Variants in CACNA1D observed in about 807,000 individuals in gnomAD.
CACNA1D encodes calcium voltage-gated channel subunit alpha1 D, also known as voltage-dependent L-type calcium channel subunit alpha-1D.
In CACNA1D, 55 loss-of-function variants were observed where a neutral mutation model predicts 257.1. The observed-to-expected ratio is 0.21, with a 90% CI of 0.17 to 0.27. The LOEUF is 0.27. Ranked by LOEUF, CACNA1D falls within the 10% of genes least tolerant of loss-of-function variation. CACNA1D has a pLI of 1.00. For synonymous variants in CACNA1D, 980 were observed against 1,014.9 expected (o/e 0.97, Z 0.65); for missense variants, 1,876 against 2,784.0 (o/e 0.67, Z 7.34).
chr3:53,650,889 T>C lies in CACNA1D; in HGVS notation c.594T>C (p.Asn198=), dbSNP rs752689987. The C allele has an allele frequency of 1.2e-6, 2 of 1,612,772 alleles. No homozygotes were observed. Among genetic ancestry groups the C allele is most frequent in the South Asian group, 1.1e-5 (1 of 91,054 alleles). The change falls in exon 4 of 48, where the codon AAT becomes AAC. Residue 198 remains asparagine, a synonymous_variant. Transcript: ENST00000350061. ...HPNAYVRNGW[N]LLDFVIVIVG... ...ATGCTTATGTTAGGAATGGATGGAA[T>C]TTACTGGATTTTGTTATAGTAATAG...
chr3:53,510,017 G>A (rs998206240), intron 3 of CACNA1D, among the ~76,000 whole-genome samples: 1 of 152,192 alleles, frequency 6.6e-6, no homozygotes, highest in Non-Finnish European at 1.5e-5. Context: ...GCCTTGTTGT[G>A]AAGGAAAACC....
intron 3 of CACNA1D, among the ~76,000 whole-genome samples, chr3:53,546,251 C>G (rs2092410086): frequency 6.6e-6 from 1 of 152,114 alleles, no homozygotes; most frequent in Admixed American, 6.5e-5. Flanking sequence ...GCAGCTTTGT[C>G]CTAGTGCTGG....
At chr3:53,545,681 C>T (rs1171408530) in intron 3 of CACNA1D, among the ~76,000 whole-genome samples, 2 of 152,114 alleles carry the variant, frequency 1.3e-5, no homozygotes, top group East Asian at 1.9e-4. Context: ...CCTCAAAATC[C>T]CTGGTGGTTA....
chr3:53,624,795 G>A (rs2093738039), intron 3 of CACNA1D, among the ~76,000 whole-genome samples: 1 of 152,222 alleles, frequency 6.6e-6, no homozygotes, highest in South Asian at 2.1e-4. Context: ...TTAGGCCTGG[G>A]AGTGGACTTG....
rs576049570 is a variant in CACNA1D at position 53,697,439 on chromosome 3, A to G, written c.1221-5202A>G. 3.3e-5 allele frequency among the ~76,000 whole-genome samples: 5 copies of G among 152,348 alleles called. 1 individual carries two copies. In the South Asian group the frequency reaches 8.3e-4, roughly 25 times the overall value. The stretch of plus-strand genomic sequence containing the variant: ...GAAATACATGAGAAATGGACAGACA[A>G]CATTGTCCGTTCCTGCCTGCAAGGA... On this transcript the variant is annotated intron_variant, in intron 8 of 47. Coordinates refer to ENST00000350061, the MANE Select transcript of CACNA1D (RefSeq NM_001128840.3).
At chr3:53,589,460 G>A (rs777216111) in intron 3 of CACNA1D, among the ~76,000 whole-genome samples, 31 of 152,130 alleles carry the variant, frequency 2.0e-4, no homozygotes, top group Non-Finnish European at 4.0e-4. Flanking sequence ...TGTGAGGCAG[G>A]ACTGAGTGTA....
Position 53,762,531 on chromosome 3 carries a change from C to A in CACNA1D, c.3870+450C>A, listed in dbSNP as rs1168563486. On this transcript the variant is annotated intron_variant, in intron 30 of 47. Transcript: ENST00000350061. ...TGGTGCTTCCTCTCCTCTGTGGCTT[C>A]TGAATGCTTGCCCTAACAGCACTAT... 3 of 457,272 alleles carry A rather than the reference C, an allele frequency of 6.6e-6. No homozygotes were observed. The East Asian group carries it at 2.1e-4, about 32-fold the overall frequency. The allele number at this position is 457,272 out of a possible 1,614,324, so 28.3% of individuals were successfully genotyped here. A position where few individuals can be genotyped will look rare whatever the true frequency, so the allele number is the denominator to read the frequency against.
intron 3 of CACNA1D, among the ~76,000 whole-genome samples, chr3:53,530,625 T>G (rs1236829926): frequency 6.6e-6 from 1 of 152,184 alleles, no homozygotes; most frequent in Non-Finnish European, 1.5e-5. Context: ...CCCTCCCCAC[T>G]GTTGTCACCA....
At chr3:53,781,231 A>G (rs2095423860) in intron 38 of CACNA1D, among the ~76,000 whole-genome samples, 1 of 152,230 alleles carries the variant, frequency 6.6e-6, no homozygotes, top group Non-Finnish European at 1.5e-5. Flanking sequence ...AAAGAGCAGA[A>G]GGCAAAGACA....
intron 3 of CACNA1D, among the ~76,000 whole-genome samples, chr3:53,650,327 C>T (rs1490777874): frequency 6.6e-6 from 1 of 152,246 alleles, no homozygotes; most frequent in African/African-American, 2.4e-5. Flanking sequence ...AGGGTCAAAA[C>T]AGATGCATCT....
rs142139570 is a variant in CACNA1D, at chr3:53,753,438, G to A, written c.3676-134G>A. On this transcript the variant is annotated intron_variant, in intron 28 of 47. Coordinates refer to ENST00000350061, the MANE Select transcript of CACNA1D (RefSeq NM_001128840.3). ...GTTCACCACATGACCTTGCAATGCC[G>A]GTGGAATTGCCCAGCGAGGGTGCTG... is the stretch of plus-strand genomic sequence containing the variant. 1.5e-4 allele frequency: 111 copies of A among 730,510 alleles called. No homozygotes were observed. In the Admixed American group the frequency reaches 1.9e-3, roughly 13 times the overall value. 45.3% of individuals were successfully genotyped at this position (730,510 alleles called of 1,614,324 possible).
intron 30 of CACNA1D, among the ~76,000 whole-genome samples, chr3:53,763,350 CT>C (rs1285441900): frequency 1.3e-5 from 2 of 152,246 alleles, no homozygotes; most frequent in African/African-American, 4.8e-5. Context: ...CTGAGCACCT[CT>C]CCCCCTGCAA....
intron 43 of CACNA1D, 101 bp downstream of exon 43, chr3:53,802,274 C>T (rs1227940443): frequency 1.0e-5 from 10 of 984,480 alleles, no homozygotes; most frequent in Admixed American, 5.1e-5. Context: ...TTTGAGCCAG[C>T]CTATTAAAGG....
chr3:53,695,782 T>C (rs2094567910), intron 8 of CACNA1D, among the ~76,000 whole-genome samples: 3 of 152,342 alleles, frequency 2.0e-5, no homozygotes, highest in South Asian at 2.1e-4. Context: ...CTGGTCTTCC[T>C]CAGCACCATT....
chr3:53,635,051 C>T (rs897104781), intron 3 of CACNA1D, among the ~76,000 whole-genome samples: 2 of 152,224 alleles, frequency 1.3e-5, no homozygotes, highest in Admixed American at 1.3e-4. Context: ...TCTGTGGACC[C>T]TGTTCAGGTG....
intron 3 of CACNA1D, among the ~76,000 whole-genome samples, chr3:53,649,564 C>T (rs2094065585): frequency 6.6e-6 from 1 of 152,066 alleles, no homozygotes; most frequent in South Asian, 2.1e-4. Flanking sequence ...TGACAGGTAC[C>T]ATAGTGGGGA....
intron 3 of CACNA1D, among the ~76,000 whole-genome samples, chr3:53,583,901 T>C (rs1221044564): frequency 6.6e-6 from 1 of 152,228 alleles, no homozygotes; most frequent in African/African-American, 2.4e-5. Context: ...AGTCCTTTTT[T>C]CCTTTTTTAG....
intron 10 of CACNA1D, 73 bp downstream of exon 10, chr3:53,718,461 C>G (rs1004730082): frequency 1.3e-5 from 18 of 1,385,320 alleles, no homozygotes; most frequent in Non-Finnish European, 1.7e-5. Flanking sequence ...GAAGACCGCC[C>G]AGGCTGCAGC....
Position 53,810,315 on chromosome 3 carries a change from G to C in CACNA1D, c.6192+17G>C. ...GTGGAGGCAGTGAGTACGGTTCTTG[G>C]CCGTGGTGGGCAGGAAGCACCAGGA... On this transcript the variant is annotated intron_variant, in intron 47 of 47. Transcript: ENST00000350061. 1.2e-6 allele frequency: 2 copies of C among 1,611,796 alleles called. No homozygotes were observed. Among genetic ancestry groups the C allele is most frequent in the Non-Finnish European group, 1.7e-6 (2 of 1,178,548 alleles).
Sources: allele counts gnomAD v4.1 joint callset (sites outside exome capture counted in the v4.1 genomes callset), GRCh38; gene constraint gnomAD v4.1.1; transcripts MANE v1.5; gene names NCBI Gene and HGNC (gene_info 2026-07-23, HGNC 2026-07-21).